Variants in FBXW12 observed in about 807,000 individuals in gnomAD.
FBXW12 encodes F-box/WD repeat-containing protein 12.
A neutral mutation model predicts 55.3 loss-of-function variants in FBXW12; 43 were observed. The ratio of observed to expected loss-of-function variants is 0.78; its 90% CI spans 0.61 to 1.00. The LOEUF is 1.00. Among genes scored for constraint, FBXW12 ranks in the 50% least tolerant of loss-of-function variants. FBXW12 has a pLI of 0.00. For missense variants in FBXW12, 524 were observed against 560.5 expected (o/e 0.93, Z 0.66); for synonymous variants, 184 against 203.8 (o/e 0.90, Z 0.83).
intron 10 of FBXW12, 142 bp downstream of exon 10, chr3:48,382,227 C>G: frequency 1.1e-6 from 1 of 899,000 alleles, no homozygotes; most frequent in East Asian, 2.7e-5. Context: ...AGCAATTCTC[C>G]TGCTTCAGCC....
At chr3:48,379,610 A>G in intron 7 of FBXW12, 52 bp downstream of exon 7, 1 of 1,542,034 alleles carries the variant, frequency 6.5e-7, no homozygotes, top group Non-Finnish European at 8.9e-7. Flanking sequence ...TCAAGTTAGG[A>G]AGCATGCAGA....
chr3:48,391,776 G>A (rs889410019), intron 10 of FBXW12, among the ~76,000 whole-genome samples: 1 of 152,088 alleles, frequency 6.6e-6, no homozygotes, highest in Non-Finnish European at 1.5e-5. Context: ...TTCTGTTTAT[G>A]TGGGGAATCA....
At chr3:48,375,973 C>A (rs1288432323) in intron 5 of FBXW12, among the ~76,000 whole-genome samples, 2 of 101,464 alleles carry the variant, frequency 2.0e-5, no homozygotes, top group African/African-American at 7.7e-5. Context: ...CTGCGCCCGG[C>A]CTTTTTTTTT....
intron 10 of FBXW12, among the ~76,000 whole-genome samples, chr3:48,384,359 C>T (rs1011211487): frequency 5.9e-5 from 9 of 152,054 alleles, no homozygotes; most frequent in South Asian, 4.1e-4. Context: ...TATAGAAATA[C>T]GACTGACTTT....
chr3:48,372,603 G>A (rs2107149061), intron 1 of FBXW12, 81 bp from the exon 2 acceptor site: 1 of 1,494,172 alleles, frequency 6.7e-7, no homozygotes, highest in African/African-American at 1.4e-5. Context: ...AGAGGCCGGG[G>A]TGGAGGTCAG....
At position 48,372,759 on chromosome 3, in the gene FBXW12, C is replaced by A; in HGVS notation, c.-9C>A. ...AAAGGAAAGTGGATGTGGGTTCAGGCCGCATGAAATGGAGATCCGATTGCC... is the reference window on the plus strand; with the variant it reads ...AAAGGAAAGTGGATGTGGGTTCAGGACGCATGAAATGGAGATCCGATTGCC... On this transcript the variant is annotated 5_prime_UTR_variant, in exon 2 of 11. Transcript: ENST00000296438. The A allele has an allele frequency of 1.2e-6, 2 of 1,614,168 alleles. No homozygotes were observed.
At chr3:48,373,727 A>G (rs1220630395) in intron 4 of FBXW12, 22 bp downstream of exon 4, 1 of 1,598,510 alleles carries the variant, frequency 6.3e-7, no homozygotes, top group East Asian at 2.2e-5. Flanking sequence ...GGTGCCCTAG[A>G]GGAACATGAG....
chr3:48,379,652 A>G, intron 7 of FBXW12, 94 bp downstream of exon 7: 1 of 1,001,040 alleles, frequency 1.0e-6, no homozygotes, highest in Non-Finnish European at 1.5e-6. Context: ...GACCAGGCAC[A>G]CTGCTCCTTC....
intron 10 of FBXW12, among the ~76,000 whole-genome samples, chr3:48,392,052 G>A (rs2036936156): frequency 6.6e-6 from 1 of 152,048 alleles, no homozygotes; most frequent in Non-Finnish European, 1.5e-5. Context: ...TAAATGTGAG[G>A]GTTTATTTCT....
chr3:48,384,604 T>C (rs1342947835), intron 10 of FBXW12, among the ~76,000 whole-genome samples: 1 of 152,226 alleles, frequency 6.6e-6, no homozygotes, highest in Non-Finnish European at 1.5e-5. Context: ...TGAAAAGTGT[T>C]TGGTCTTTCA....
At chr3:48,374,786 TAAAAACAGAGTCTCA>T (rs2036659496) in intron 4 of FBXW12, among the ~76,000 whole-genome samples, 16 of 120,114 alleles carry the variant, frequency 1.3e-4, no homozygotes, top group African/African-American at 2.2e-4. Context: ...TTTTTTTTTT[TAAAAACAGAGTCTCA>T]TTTTGTCTCC....
intron 5 of FBXW12, among the ~76,000 whole-genome samples, chr3:48,376,039 T>C (rs761548369): frequency 7.7e-6 from 1 of 129,840 alleles, no homozygotes. Context: ...TGGAGTGTAG[T>C]GGCGCGATCT....
intron 10 of FBXW12, among the ~76,000 whole-genome samples, chr3:48,386,581 G>A (rs1019171214): frequency 6.6e-6 from 1 of 152,200 alleles, no homozygotes; most frequent in Non-Finnish European, 1.5e-5. Flanking sequence ...ATTTTGGGGA[G>A]TATGGACATT....
chr3:48,375,985 T>C (rs1183748540), intron 5 of FBXW12, among the ~76,000 whole-genome samples: 2 of 129,818 alleles, frequency 1.5e-5, no homozygotes, highest in African/African-American at 5.9e-5. Context: ...TTTTTTTTTT[T>C]TTTTTTTTTT....
At position 48,372,830 on chromosome 3, in the gene FBXW12, C is replaced by T; in HGVS notation, c.63C>T (p.Gly21=). Residue 21 remains glycine (G), a synonymous_variant, in exon 2 of 11, where the codon GGC becomes GGT. Coordinates refer to ENST00000296438, the MANE Select transcript of FBXW12 (RefSeq NM_207102.2). ...KRIFSFLDLF[G]LLQVSQVNKH... Reference sequence around the variant, plus strand: ...TCTTCTCTTTCCTGGACCTGTTCGGCTTGCTGCAGGTTTCCCAGGTGAACA... The same window carrying T: ...TCTTCTCTTTCCTGGACCTGTTCGGTTTGCTGCAGGTTTCCCAGGTGAACA... 6.2e-7 allele frequency: 1 copy of T among 1,614,188 alleles called. No individual in the cohort carries two copies. The highest frequency in any genetic ancestry group is 2.2e-5 in the East Asian group (1 of 44,888).
chr3:48,378,134 T>G (rs1436503694), intron 5 of FBXW12, among the ~76,000 whole-genome samples, 183 bp from the exon 6 acceptor site: 2 of 152,214 alleles, frequency 1.3e-5, no homozygotes, highest in Non-Finnish European at 2.9e-5. Flanking sequence ...CGGAGCATAA[T>G]GTGTAGTTCC....
rs2036982426 is a variant in FBXW12 at position 48,394,697 on chromosome 3, G to A, written c.*38G>A. ...CAAAATTGACCTTGCATCATCTTCT[G>A]CAATGTAGTAAAGAAATTCTATTTG... On this transcript the variant is annotated 3_prime_UTR_variant, in exon 11 of 11. Transcript: ENST00000296438. 1.9e-6 allele frequency: 2 copies of A among 1,078,600 alleles called. No individual in the cohort carries two copies. Among genetic ancestry groups the A allele is most frequent in the Admixed American group, 2.1e-5 (1 of 48,648 alleles). The allele number at this position is 1,078,600 out of a possible 1,614,324, so 66.8% of individuals were successfully genotyped here. A position where few individuals can be genotyped will look rare whatever the true frequency, so the allele number is the denominator to read the frequency against.
intron 10 of FBXW12, among the ~76,000 whole-genome samples, chr3:48,385,600 G>A (rs905321624): frequency 2.0e-5 from 3 of 152,062 alleles, no homozygotes; most frequent in African/African-American, 7.2e-5. Flanking sequence ...GAACTTTCAT[G>A]TTGTTTTCCA....
intron 10 of FBXW12, among the ~76,000 whole-genome samples, chr3:48,384,274 C>T (rs1201384829): frequency 1.3e-5 from 2 of 151,966 alleles, no homozygotes; most frequent in African/African-American, 4.8e-5. Context: ...AAAATTTATA[C>T]CTAAATATTT....
Sources: gnomAD v4.1 joint callset for allele counts (sites outside exome capture counted in the v4.1 genomes callset) on GRCh38, gnomAD v4.1.1 for gene constraint, MANE v1.5 for transcripts, NCBI Gene and HGNC (gene_info 2026-07-23, HGNC 2026-07-21) for gene names.